Variants in ZNF512B observed in about 807,000 individuals in gnomAD.
ZNF512B encodes the protein zinc finger protein 512B.
A neutral mutation model predicts 87.8 loss-of-function variants in ZNF512B; 22 were observed. The ratio of observed to expected loss-of-function variants is 0.25; its 90% CI spans 0.18 to 0.36. The LOEUF (loss-of-function observed/expected upper bound fraction) is 0.36, where lower values mean the gene tolerates loss of function less well. Ranked by LOEUF, ZNF512B falls within the 10% of genes least tolerant of loss-of-function variation. ZNF512B has a pLI of 1.00. For missense variants in ZNF512B, 1,060 were observed against 1,231.6 expected, an observed-to-expected ratio of 0.86 and a Z score of 2.09; for synonymous variants, 524 against 490.9, an observed-to-expected ratio of 1.07 and a Z score of -0.89.
chr20:63,962,383 T>G lies in ZNF512B; in HGVS notation c.2164-9A>C. 6.2e-7 allele frequency: 1 copy of G among 1,609,574 alleles called. No individual in the cohort carries two copies. The highest frequency in any genetic ancestry group is 8.5e-7 in the Non-Finnish European group (1 of 1,178,848). ...GGTCGAGTGTAGTTGAGCTGTGAATTCGACAGCACCAGGGTGAGCCTGAGG... is the reference window on the plus strand; with the variant it reads ...GGTCGAGTGTAGTTGAGCTGTGAATGCGACAGCACCAGGGTGAGCCTGAGG... On this transcript the variant is annotated splice_polypyrimidine_tract_variant and intron_variant, in intron 13 of 16. Coordinates refer to ENST00000369888, the MANE Select transcript of ZNF512B (RefSeq NM_020713.3).
chr20:63,963,680 G>C lies in ZNF512B; in HGVS notation c.1636C>G (p.Arg546Gly). The change falls in exon 10 of 17, where the codon CGG (arginine) becomes GGG (glycine). Residue 546 changes from arginine (R) to glycine (G), a missense_variant. Coordinates refer to ENST00000369888, the MANE Select transcript of ZNF512B (RefSeq NM_020713.3). ...LQDALKCQHC[R>G]KQFKSKAGLN... Reference sequence around the variant, plus strand: ...CCGGCTTTGGACTTGAACTGCTTCCGGCAGTGCTGGCACTTGAGTGCATCC... The same window carrying C: ...CCGGCTTTGGACTTGAACTGCTTCCCGCAGTGCTGGCACTTGAGTGCATCC... The C allele has an allele frequency of 6.2e-7, 1 of 1,613,522 alleles. No individual in the cohort carries two copies. Among genetic ancestry groups the C allele is most frequent in the African/African-American group, 1.3e-5 (1 of 75,054 alleles).
In ZNF512B at chr20:63,961,414, T is replaced by C; in HGVS notation, c.2329-7A>G. 2.5e-6 allele frequency: 4 copies of C among 1,610,482 alleles called. No individual in the cohort carries two copies. The highest frequency in any genetic ancestry group is 1.1e-5 in the South Asian group (1 of 91,076). On this transcript the variant is annotated splice_polypyrimidine_tract_variant and splice_region_variant and intron_variant, in intron 15 of 16. Transcript: ENST00000369888. This position sits in a 1 kb window ranked among gnomAD's most constrained non-coding sequence, Gnocchi z 6.4. ...TCCCTGCCAGGTGGGCCCCCTGCAA[T>C]GCATAGGCAGGCCAGTGCCCCAGCC...
At position 63,959,600 on chromosome 20, in the gene ZNF512B, G is replaced by A; in HGVS notation, c.*288C>T. On this transcript the variant is annotated 3_prime_UTR_variant, in exon 17 of 17. Transcript: ENST00000369888. ...CTGCCTACTCTGCGCTGCAGCCCCT[G>A]TGGCACCAAGACCCCAGACACATTC... 1 of 446,156 alleles carries A rather than the reference G, an allele frequency of 2.2e-6. No homozygotes were observed. Among genetic ancestry groups the A allele is most frequent in the Non-Finnish European group, 3.9e-6 (1 of 254,378 alleles). 27.6% of individuals were successfully genotyped at this position (446,156 alleles called of 1,614,324 possible).
Position 63,963,021 on chromosome 20 carries a change from T to C in ZNF512B, c.1968+74A>G, listed in dbSNP as rs2058872915. ...TGGGCGGTACATGGACAAATACAGT[T>C]GGCACCCAAGGCACACGGAACACAC... On this transcript the variant is annotated intron_variant, in intron 12 of 16. Transcript: ENST00000369888. 6.9e-6 allele frequency: 10 copies of C among 1,457,222 alleles called. No homozygotes were observed. The South Asian group carries it at 1.1e-4, about 16-fold the overall frequency. The allele number at this position is 1,457,222 out of a possible 1,614,324, so 90.3% of individuals were successfully genotyped here. A position where few individuals can be genotyped will look rare whatever the true frequency, so the allele number is the denominator to read the frequency against.
chr20:63,962,242 C>T (rs780330374), intron 14 of ZNF512B, 31 bp downstream of exon 14: 35 of 1,576,686 alleles, frequency 2.2e-5, no homozygotes, highest in Non-Finnish European at 3.0e-5. Context: ...GTATGGCTCC[C>T]CACGCCCCCC....
intron 12 of ZNF512B, 46 bp downstream of exon 12, chr20:63,963,049 G>A (rs540633668): frequency 1.7e-5 from 26 of 1,495,170 alleles, no homozygotes; most frequent in African/African-American, 4.1e-5. Flanking sequence ...GAACACACAC[G>A]GCACACAGGA....
Position 63,966,793 on chromosome 20 carries a change from A to G in ZNF512B, c.394-12T>C. 6.2e-7 allele frequency: 1 copy of G among 1,600,712 alleles called. No homozygotes were observed. Among genetic ancestry groups the G allele is most frequent in the Non-Finnish European group, 8.5e-7 (1 of 1,173,048 alleles). On this transcript the variant is annotated splice_polypyrimidine_tract_variant and intron_variant, in intron 4 of 16. Transcript: ENST00000369888. ...TCTGAGATGGCACCCTGGGCAGGGA[A>G]GGGAAGGTTTGGGACAGGGCCCCAA...
At position 63,967,504 on chromosome 20, in the gene ZNF512B, A is replaced by G. The variant is rs2058940350; in HGVS notation, c.141T>C (p.Gly47=). ...PPKMGMPVVR[G]GQTVPGQAPL... is the part of the protein sequence containing the mutation. ...GGGCCTGGCCGGGCACTGTCTGTCC[A>G]CCACGGACCACCGGCATCCCTGCAG... The change falls in exon 3 of 17, where the codon GGT becomes GGC. Residue 47 remains glycine (G), a synonymous_variant. Transcript: ENST00000369888. The G allele has an allele frequency of 6.2e-7, 1 of 1,604,914 alleles. No individual in the cohort carries two copies. Among genetic ancestry groups the G allele is most frequent in the African/African-American group, 1.3e-5 (1 of 74,498 alleles).
At chr20:63,963,944 G>A (rs773691415) in intron 8 of ZNF512B, 31 bp from the exon 9 acceptor site, 54 of 1,604,718 alleles carry the variant, frequency 3.4e-5, no homozygotes, top group Non-Finnish European at 4.5e-5. Flanking sequence ...TCGAAGGCTT[G>A]TGGGGGCTGC....
At chr20:63,968,647 C>T (rs950991254) in intron 1 of ZNF512B, among the ~76,000 whole-genome samples, 1 of 152,242 alleles carries the variant, frequency 6.6e-6, no homozygotes, top group African/African-American at 2.4e-5. Context: ...ACTATCCTAC[C>T]TGATGCTCTT....
intron 1 of ZNF512B, 91 bp from the exon 2 acceptor site, chr20:63,968,043 C>T: frequency 6.7e-7 from 1 of 1,492,856 alleles, no homozygotes; most frequent in South Asian, 1.2e-5. Flanking sequence ...TTGGCAGGTC[C>T]TCTCTGGTCA....
At chr20:63,967,088 G>A (rs540207077) in intron 3 of ZNF512B, 84 bp from the exon 4 acceptor site, 22 of 1,578,400 alleles carry the variant, frequency 1.4e-5, no homozygotes, top group Admixed American at 3.4e-5. Context: ...AGCCCCCCCG[G>A]GCCTGCAGGG....
rs753991187 is a variant in ZNF512B at position 63,961,438 on chromosome 20, C to T, written c.2329-31G>A. 14 of 1,594,860 alleles carry T rather than the reference C, an allele frequency of 8.8e-6. No individual in the cohort carries two copies. Among genetic ancestry groups the T allele is most frequent in the South Asian group, 7.7e-5 (7 of 90,810 alleles). On this transcript the variant is annotated intron_variant, in intron 15 of 16. Coordinates refer to ENST00000369888, the MANE Select transcript of ZNF512B (RefSeq NM_020713.3). This position sits in a 1 kb window ranked among gnomAD's most constrained non-coding sequence, Gnocchi z 6.4. Reference sequence around the variant, plus strand: ...ATGCATAGGCAGGCCAGTGCCCCAGCCCTTGGAGGACCCAGATCTGTCCTA... The same window carrying T: ...ATGCATAGGCAGGCCAGTGCCCCAGTCCTTGGAGGACCCAGATCTGTCCTA...
In ZNF512B at chr20:63,963,909, G is replaced by A. The variant is rs1483756217; in HGVS notation, c.1485C>T (p.Gly495=). The part of the protein sequence containing the change: ...PAPVAHPAPG[G]PEEQWQRAIH... Reference sequence around the variant, plus strand: ...TGGCCCTCTGCCACTGCTCTTCAGGGCCACCTGTGGGTAAGGCAGGGGCCT... The same window carrying A: ...TGGCCCTCTGCCACTGCTCTTCAGGACCACCTGTGGGTAAGGCAGGGGCCT... Residue 495 remains glycine, a synonymous_variant, in exon 9 of 17, where the codon GGC becomes GGT. Coordinates refer to ENST00000369888, the MANE Select transcript of ZNF512B (RefSeq NM_020713.3). 5.0e-6 allele frequency: 8 copies of A among 1,610,080 alleles called. No individual in the cohort carries two copies. The highest frequency in any genetic ancestry group is 4.0e-5 in the African/African-American group (3 of 75,062).
chr20:63,962,570 T>A lies in ZNF512B; in HGVS notation c.2163+17A>T. The A allele has an allele frequency of 1.9e-6, 3 of 1,594,592 alleles. No individual in the cohort carries two copies. Among genetic ancestry groups the A allele is most frequent in the Non-Finnish European group, 2.6e-6 (3 of 1,174,086 alleles). On this transcript the variant is annotated intron_variant, in intron 13 of 16. Coordinates refer to ENST00000369888, the MANE Select transcript of ZNF512B (RefSeq NM_020713.3). ...GAGGCCACGGCGCTGTCCACAGCCC[T>A]GGGGGGGGCAGCTCACCCGTGCGGT...
At chr20:63,962,073 A>G (rs1317511249) in intron 14 of ZNF512B, 69 bp from the exon 15 acceptor site, 1 of 1,501,698 alleles carries the variant, frequency 6.7e-7, no homozygotes, top group Non-Finnish European at 9.1e-7. Flanking sequence ...CCCCTGCCCT[A>G]CCCCAGGGGA....
Position 63,963,345 on chromosome 20 carries a change from C to T in ZNF512B, c.1794G>A (p.Gln598=). The change falls in exon 11 of 17, where the codon CAG becomes CAA. Residue 598 remains glutamine (Q), a synonymous_variant. Transcript: ENST00000369888. ...LKQMGRLRCP[Q]EGCGAAFSSL... ...ACTGCCGCGGCCCCCCACTGACCTC[C>T]TGGGGGCAGCGCAGCCGTCCCATCT... 3 of 1,541,304 alleles carry T rather than the reference C, an allele frequency of 1.9e-6. No individual in the cohort carries two copies. The highest frequency in any genetic ancestry group is 1.4e-5 in the African/African-American group (1 of 73,284).
At position 63,966,391 on chromosome 20, in the gene ZNF512B, T is replaced by C; in HGVS notation, c.784A>G (p.Lys262Glu). The C allele has an allele frequency of 1.2e-6, 2 of 1,613,836 alleles. No homozygotes were observed. Among genetic ancestry groups the C allele is most frequent in the Non-Finnish European group, 1.7e-6 (2 of 1,179,894 alleles). ...ACGGGTTTGGTGACCGGCACAGACT[T>C]GGTGACTGTGATGGGTTTGGTGACC... The part of the protein sequence containing the change: ...MPVTKPITVT[K>E]SVPVTKPVPV... The change falls in exon 5 of 17, where the codon AAG becomes GAG. Residue 262 changes from lysine to glutamate, a missense_variant. By Grantham distance (56) the Lys-to-Glu change is moderately conservative. This residue lies in a region of ZNF512B where 201 missense variants were observed against 226.8 expected (regional missense o/e 0.89). Coordinates refer to ENST00000369888, the MANE Select transcript of ZNF512B (RefSeq NM_020713.3).
At chr20:63,967,340 G>C in intron 3 of ZNF512B, 41 bp downstream of exon 3, 2 of 1,548,668 alleles carry the variant, frequency 1.3e-6, no homozygotes, top group South Asian at 2.4e-5. Flanking sequence ...TGGATAGGGA[G>C]ACCCCAGCAT....
Sources: allele counts gnomAD v4.1 joint callset (sites outside exome capture counted in the v4.1 genomes callset), GRCh38; gene constraint gnomAD v4.1.1; regional missense constraint gnomAD v4.1.1; non-coding constraint Gnocchi (gnomAD v3.1); transcripts MANE v1.5; gene names NCBI Gene and HGNC (gene_info 2026-07-23, HGNC 2026-07-21).